MAPK8IP3: variants seen among roughly 807,000 people sequenced by gnomAD.
The protein encoded by MAPK8IP3 is C-Jun-amino-terminal kinase-interacting protein 3.
Under a neutral mutation model 157.8 loss-of-function variants are expected in MAPK8IP3, and 49 were observed. That is an observed-to-expected ratio of 0.31 (90% CI 0.25 to 0.39). The LOEUF (loss-of-function observed/expected upper bound fraction) is 0.39. MAPK8IP3 is among the 10% of genes least tolerant of loss of function. The pLI, the probability that MAPK8IP3 is intolerant of heterozygous loss-of-function variation, is 1.00. For missense variants in MAPK8IP3, 1,478 were observed against 1,889.4 expected, an observed-to-expected ratio of 0.78 and a Z score of 4.04; for synonymous variants, 897 against 777.7, an observed-to-expected ratio of 1.15 and a Z score of -2.55.
intron 4 of MAPK8IP3, 55 bp downstream of exon 4, chr16:1,729,633 G>T: frequency 6.8e-7 from 1 of 1,471,432 alleles, no homozygotes; most frequent in Admixed American, 2.0e-5. Flanking sequence ...GCGGAGGTAC[G>T]CAGGACGCGG....
intron 8 of MAPK8IP3, 129 bp from the exon 9 acceptor site, chr16:1,758,019 C>A: frequency 2.2e-6 from 2 of 923,686 alleles, no homozygotes; most frequent in Non-Finnish European, 3.5e-6. Context: ...CTCTCTCCTG[C>A]CCTGCAACAT....
rs999317649 is a variant in MAPK8IP3, at chr16:1,744,522, G to C, written c.747+1046G>C. On this transcript the variant is annotated intron_variant, in intron 5 of 31. Coordinates refer to ENST00000610761, the MANE Select transcript of MAPK8IP3 (RefSeq NM_001318852.2). ...TCCTCCCTGTGCTCAGGGCTGGAGA[G>C]AGGGTGGCGGGGCTGCGGGCTCCCC... 48 of 985,488 alleles carry C rather than the reference G, an allele frequency of 4.9e-5. No homozygotes were observed. The African/African-American group carries it at 8.4e-4, about 17-fold the overall frequency. 61.0% of individuals were successfully genotyped at this position (985,488 alleles called of 1,614,324 possible). A position where few individuals can be genotyped will look rare whatever the true frequency, so the allele number is the denominator to read the frequency against.
chr16:1,760,515 G>C lies in MAPK8IP3; in HGVS notation c.1440G>C (p.Leu480=), dbSNP rs1451539025. ...KVKLENRIKE[L]EEELKRVKSE... ...AGCTGGAAAACCGTATCAAGGAGCT[G>C]GAAGAGGAACTGAAAAGGTGAGGGC... Residue 480 remains leucine (L), a synonymous_variant, in exon 12 of 32, where the codon CTG becomes CTC. Transcript: ENST00000610761. 1 of 1,613,328 alleles carries C rather than the reference G, an allele frequency of 6.2e-7. No individual in the cohort carries two copies. The highest frequency in any genetic ancestry group is 1.1e-5 in the South Asian group (1 of 91,048).
chr16:1,737,451 A>T (rs1160783962), intron 4 of MAPK8IP3, among the ~76,000 whole-genome samples: 3 of 60,148 alleles, frequency 5.0e-5, no homozygotes, highest in African/African-American at 1.4e-4. Context: ...CGTCCGTGTG[A>T]GTGTGACCAC....
chr16:1,764,930 G>A (rs1160765322), intron 19 of MAPK8IP3, 83 bp from the exon 20 acceptor site: 1 of 1,398,358 alleles, frequency 7.2e-7, no homozygotes, highest in Non-Finnish European at 9.8e-7. Flanking sequence ...GATCCTGACA[G>A]ATTCTGGGAG....
At chr16:1,764,589 C>T in intron 19 of MAPK8IP3, 130 bp downstream of exon 19, 1 of 1,276,086 alleles carries the variant, frequency 7.8e-7, no homozygotes, top group South Asian at 1.5e-5. Context: ...CGCAGGGGCT[C>T]CTAGACTGCG....
chr16:1,743,759 G>T lies in MAPK8IP3; in HGVS notation c.747+283G>T. On this transcript the variant is annotated intron_variant, in intron 5 of 31. Coordinates refer to ENST00000610761, the MANE Select transcript of MAPK8IP3 (RefSeq NM_001318852.2). The surrounding 1 kb of genome is among the most constrained non-coding windows in gnomAD (Gnocchi z 5.6). ...TGGATAGACCGCTCTGTAGCCAGGG[G>T]TGTACAGTGCCTGTCAGGGTTGAGC... 3 of 1,326,814 alleles carry T rather than the reference G, an allele frequency of 2.3e-6. No individual in the cohort carries two copies. The highest frequency in any genetic ancestry group is 2.9e-6 in the Non-Finnish European group (3 of 1,043,806). 82.2% of individuals were successfully genotyped at this position (1,326,814 alleles called of 1,614,324 possible). A position where few individuals can be genotyped will look rare whatever the true frequency, so the allele number is the denominator to read the frequency against.
chr16:1,761,250 G>T lies in MAPK8IP3; in HGVS notation c.1484G>T (p.Arg495Leu), dbSNP rs368545449. 6.2e-7 allele frequency: 1 copy of T among 1,613,734 alleles called. No individual in the cohort carries two copies. The highest frequency in any genetic ancestry group is 2.2e-5 in the East Asian group (1 of 44,884). Reference protein sequence around the residue: ...KRVKSEAIIARREPKEEAEDV... With the variant: ...KRVKSEAIIALREPKEEAEDV... ...GTGAAGTCCGAGGCCATCATCGCCCGCCGTGAACCCAAAGAAGAGGCGGAG... is the reference window on the plus strand; with the variant it reads ...GTGAAGTCCGAGGCCATCATCGCCCTCCGTGAACCCAAAGAAGAGGCGGAG... The change falls in exon 13 of 32, where the codon CGC becomes CTC. Residue 495 changes from arginine to leucine, a missense_variant. Physicochemically the swap from Arg to Leu is moderately radical, Grantham distance 102 (BLOSUM62 -2). Transcript: ENST00000610761.
intron 4 of MAPK8IP3, among the ~76,000 whole-genome samples, chr16:1,736,409 C>T (rs1258619687): frequency 2.9e-5 from 2 of 68,540 alleles, no homozygotes; most frequent in Admixed American, 2.7e-4. Context: ...CGTGTGTGAC[C>T]GTCCGTGTAA....
At chr16:1,738,871 G>T (rs1361543148) in intron 4 of MAPK8IP3, among the ~76,000 whole-genome samples, 1 of 142,282 alleles carries the variant, frequency 7.0e-6, no homozygotes, top group Non-Finnish European at 1.5e-5. Context: ...CCGTGTGAGT[G>T]TGACCATCCA....
intron 1 of MAPK8IP3, among the ~76,000 whole-genome samples, chr16:1,709,068 G>C (rs963007781): frequency 3.3e-5 from 5 of 152,206 alleles, no homozygotes; most frequent in African/African-American, 9.7e-5. Flanking sequence ...TCCGTCCCCA[G>C]CCACTCTGCT....
In MAPK8IP3 at chr16:1,758,142, C is replaced by T. The variant is rs780440133; in HGVS notation, c.1217-6C>T. On this transcript the variant is annotated splice_polypyrimidine_tract_variant and splice_region_variant and intron_variant, in intron 8 of 31. Coordinates refer to ENST00000610761, the MANE Select transcript of MAPK8IP3 (RefSeq NM_001318852.2). ...CTGCCTCTCTGTGCGTCGCTGGACT[C>T]GCCAGGGGAGTTCTCAGGTGAGTAT... 39 of 1,613,644 alleles carry T rather than the reference C, an allele frequency of 2.4e-5. No homozygotes were observed. Among genetic ancestry groups the T allele is most frequent in the Admixed American group, 1.7e-4 (10 of 59,984 alleles).
chr16:1,756,993 G>A (rs1321125663), intron 8 of MAPK8IP3, among the ~76,000 whole-genome samples: 1 of 152,136 alleles, frequency 6.6e-6, no homozygotes, highest in Non-Finnish European at 1.5e-5. Context: ...GCCGTGAGCA[G>A]TGGTTGCCCT....
At chr16:1,718,121 G>T (rs150792411) in intron 1 of MAPK8IP3, among the ~76,000 whole-genome samples, 1 of 152,010 alleles carries the variant, frequency 6.6e-6, no homozygotes, top group Non-Finnish European at 1.5e-5. Flanking sequence ...CCAAAGTGCT[G>T]GGATTACAGG....
chr16:1,757,319 T>C (rs1468740141), intron 8 of MAPK8IP3, among the ~76,000 whole-genome samples: 3 of 152,192 alleles, frequency 2.0e-5, no homozygotes, highest in African/African-American at 7.2e-5. Flanking sequence ...TTAGCCAGGA[T>C]GGTCTCAATC....
At chr16:1,730,919 C>T (rs2039275492) in intron 4 of MAPK8IP3, among the ~76,000 whole-genome samples, 1 of 150,702 alleles carries the variant, frequency 6.6e-6, no homozygotes, top group Non-Finnish European at 1.5e-5. Flanking sequence ...GCCGGCAGAT[C>T]ACTTGAGGTC....
intron 5 of MAPK8IP3, chr16:1,745,562 C>G (rs2040912689): frequency 6.6e-6 from 1 of 152,528 alleles, no homozygotes; most frequent in South Asian, 2.1e-4. Flanking sequence ...TGTGAGGGCT[C>G]TCCCTCGGCA....
At chr16:1,738,541 T>G (rs2040273385) in intron 4 of MAPK8IP3, among the ~76,000 whole-genome samples, 1 of 131,278 alleles carries the variant, frequency 7.6e-6, no homozygotes, top group Admixed American at 8.0e-5. Flanking sequence ...TGACTGTCCG[T>G]GTGAGCATCC....
At chr16:1,738,787 C>T (rs1161209978) in intron 4 of MAPK8IP3, among the ~76,000 whole-genome samples, 1 of 122,178 alleles carries the variant, frequency 8.2e-6, no homozygotes, top group Non-Finnish European at 1.7e-5. Flanking sequence ...GTGTGAGCGT[C>T]CGTGTGAGTG....
Sources: allele counts gnomAD v4.1 joint callset (sites outside exome capture counted in the v4.1 genomes callset), GRCh38; gene constraint gnomAD v4.1.1; non-coding constraint Gnocchi (gnomAD v3.1); transcripts MANE v1.5; gene names NCBI Gene and HGNC (gene_info 2026-07-23, HGNC 2026-07-21).